ENTPD5: variants seen among roughly 807,000 people sequenced by gnomAD.
The protein encoded by ENTPD5 is nucleoside diphosphate phosphatase ENTPD5.
Under a neutral mutation model 60.2 loss-of-function variants are expected in ENTPD5, and 49 were observed. The ratio of observed to expected loss-of-function variants is 0.81; its 90% CI spans 0.65 to 1.03. The LOEUF (loss-of-function observed/expected upper bound fraction) is 1.03, where lower values mean the gene tolerates loss of function less well. ENTPD5 is among the 50% of genes least tolerant of loss of function. ENTPD5 has a pLI of 0.00. For synonymous variants in ENTPD5, 187 were observed against 185.4 expected (o/e 1.01, Z -0.07); for missense variants, 480 against 507.6 (o/e 0.95, Z 0.52).
At chr14:73,977,144 TA>T in intron 7 of ENTPD5, 85 bp from the exon 8 acceptor site, 1 of 1,359,424 alleles carries the variant, frequency 7.4e-7, no homozygotes, top group Non-Finnish European at 1.0e-6. Context: ...TTTTCCTCTC[TA>T]AATTCCATGT....
At chr14:73,956,081 T>C (rs950560354), downstream of ENTPD5, 32 of 1,084,936 alleles carry the variant, frequency 2.9e-5, no homozygotes, top group Non-Finnish European at 4.1e-5. Context: ...TCCCAGCACT[T>C]TTGGAGGCTA....
downstream of ENTPD5, chr14:73,955,331 G>T (rs1163620854): frequency 2.5e-6 from 2 of 787,836 alleles, no homozygotes; most frequent in African/African-American, 3.4e-5. Flanking sequence ...AAACAAGATA[G>T]AAGTGGAGAG....
downstream of ENTPD5, chr14:73,955,676 A>C (rs1048154129): frequency 6.7e-7 from 1 of 1,482,938 alleles, no homozygotes; most frequent in African/African-American, 1.4e-5. Flanking sequence ...TTCTCATTTT[A>C]TATTTTCCTA....
At chr14:73,988,493 T>C (rs61423350) in intron 3 of ENTPD5, among the ~76,000 whole-genome samples, 3 of 152,360 alleles carry the variant, frequency 2.0e-5, no homozygotes, top group Non-Finnish European at 2.9e-5. Flanking sequence ...CTAGGATATC[T>C]ATTACAACAT....
At chr14:73,998,929 T>C (rs1594931140) in intron 3 of ENTPD5, among the ~76,000 whole-genome samples, 1 of 152,118 alleles carries the variant, frequency 6.6e-6, no homozygotes, top group Non-Finnish European at 1.5e-5. Context: ...TGGACTTTAC[T>C]CTGCAGGTGA....
At chr14:73,962,017 C>T (rs1295568365), downstream of ENTPD5, 4 of 1,212,906 alleles carry the variant, frequency 3.3e-6, no homozygotes, top group Admixed American at 1.8e-5. Flanking sequence ...GCACAATTTC[C>T]ACTCACTGCA....
chr14:73,999,290 C>T (rs1393651335), intron 3 of ENTPD5, among the ~76,000 whole-genome samples: 2 of 147,330 alleles, frequency 1.4e-5, no homozygotes, highest in Non-Finnish European at 3.0e-5. Context: ...GAGTTCGTGA[C>T]CAGCCTGGCC....
chr14:73,990,815 G>A (rs936180911), intron 3 of ENTPD5, among the ~76,000 whole-genome samples: 1 of 151,824 alleles, frequency 6.6e-6, no homozygotes, highest in Non-Finnish European at 1.5e-5. Flanking sequence ...GATCATGTAA[G>A]GTCAGGAGTT....
intron 12 of ENTPD5, 24 bp from the exon 13 acceptor site, chr14:73,973,048 G>A: frequency 6.2e-7 from 1 of 1,613,344 alleles, no homozygotes; most frequent in Non-Finnish European, 8.5e-7. Flanking sequence ...GTGCACAGGG[G>A]TAAGGTGAGA....
chr14:74,003,311 A>C (rs1052492229), intron 3 of ENTPD5: 2 of 449,920 alleles, frequency 4.4e-6, no homozygotes, highest in African/African-American at 4.0e-5. Context: ...AGAGCGTCCA[A>C]GGTGGAATTC....
downstream of ENTPD5, chr14:73,961,323 C>G (rs1325963324): frequency 6.2e-7 from 1 of 1,614,106 alleles, no homozygotes; most frequent in African/African-American, 1.3e-5. Context: ...TCTGTTTCCT[C>G]TTGGGTTGGG....
intron 3 of ENTPD5, among the ~76,000 whole-genome samples, chr14:73,989,193 C>G (rs1242237809): frequency 6.6e-6 from 1 of 152,134 alleles, no homozygotes; most frequent in African/African-American, 2.4e-5. Flanking sequence ...CTTTGGGAGG[C>G]TCAGGTGGGA....
downstream of ENTPD5, chr14:73,961,198 T>G: frequency 6.2e-7 from 1 of 1,614,012 alleles, no homozygotes; most frequent in Non-Finnish European, 8.5e-7. Flanking sequence ...CACACGGACT[T>G]CATCGACACA....
At chr14:73,971,770 AG>A in intron 14 of ENTPD5, 81 bp downstream of exon 14, 1 of 876,838 alleles carries the variant, frequency 1.1e-6, no homozygotes, top group Non-Finnish European at 1.9e-6. Context: ...GAGCTGACTG[AG>A]GTGCTTTAGG....
chr14:73,957,381 G>C (rs1057031404), downstream of ENTPD5, among the ~76,000 whole-genome samples: 2 of 152,148 alleles, frequency 1.3e-5, no homozygotes, highest in Non-Finnish European at 2.9e-5. Context: ...CACTGTGCTG[G>C]CCCTCTATTA....
At chr14:73,983,310 G>A in intron 5 of ENTPD5, 149 bp from the exon 6 acceptor site, 2 of 781,190 alleles carry the variant, frequency 2.6e-6, no homozygotes, top group Non-Finnish European at 3.8e-6. Flanking sequence ...GAAACCTAGA[G>A]AAGTGGGCCG....
intron 3 of ENTPD5, among the ~76,000 whole-genome samples, chr14:73,995,323 T>TA (rs1351583673): frequency 1.3e-5 from 2 of 152,080 alleles, no homozygotes; most frequent in Non-Finnish European, 2.9e-5. Flanking sequence ...GCTAGGATTA[T>TA]AGGCATGAGC....
intron 3 of ENTPD5, among the ~76,000 whole-genome samples, chr14:74,009,479 G>A (rs1003021204): frequency 4.6e-5 from 7 of 152,282 alleles, no homozygotes; most frequent in African/African-American, 1.7e-4. Context: ...ACATGCCAAA[G>A]ATAAAAATAT....
chr14:73,989,669 AC>A (rs1207391393), intron 3 of ENTPD5, among the ~76,000 whole-genome samples: 2 of 152,114 alleles, frequency 1.3e-5, no homozygotes, highest in African/African-American at 4.8e-5. Flanking sequence ...CCCCGCCTCT[AC>A]AAAAATACAA....
Sources: gnomAD v4.1 joint callset for allele counts (sites outside exome capture counted in the v4.1 genomes callset) on GRCh38, gnomAD v4.1.1 for gene constraint, MANE v1.5 for transcripts, NCBI Gene and HGNC (gene_info 2026-07-23, HGNC 2026-07-21) for gene names.